Variants in VAV3 observed in about 807,000 individuals in gnomAD.
VAV3 encodes the protein guanine nucleotide exchange factor VAV3.
A neutral mutation model predicts 131.2 loss-of-function variants in VAV3; 94 were observed. That is an observed-to-expected ratio of 0.72 (90% confidence interval 0.61 to 0.85). VAV3 has a LOEUF of 0.85. Ranked by LOEUF, VAV3 falls within the 40% of genes least tolerant of loss-of-function variation. VAV3 has a pLI of 0.00. For synonymous variants in VAV3, 349 were observed against 342.0 expected (o/e 1.02, Z -0.22); for missense variants, 939 against 1,002.7 (o/e 0.94, Z 0.86).
chr1:107,782,039 C>A (rs1470260614), intron 2 of VAV3, among the ~76,000 whole-genome samples: 2 of 152,174 alleles, frequency 1.3e-5, no homozygotes, highest in African/African-American at 2.4e-5. Context: ...CATTGCTTTA[C>A]TTTAGCATGC....
At chr1:107,764,104 A>AACAAAAAAAAAAACATGATGT (rs1664596755) in intron 9 of VAV3, among the ~76,000 whole-genome samples, 1 of 151,946 alleles carries the variant, frequency 6.6e-6, no homozygotes, top group Non-Finnish European at 1.5e-5. Context: ...CAAAAAACAA[A>AACAAAAAAAAAAACATGATGT]ACAAAAAAAA....
chr1:107,656,733 A>G (rs552114966), intron 19 of VAV3, among the ~76,000 whole-genome samples: 49 of 152,218 alleles, frequency 3.2e-4, no homozygotes, highest in African/African-American at 1.2e-3. Context: ...TCTATTATAT[A>G]TCAATAAAAA....
chr1:107,891,566 C>T (rs757264508), intron 1 of VAV3, among the ~76,000 whole-genome samples: 3 of 151,934 alleles, frequency 2.0e-5, no homozygotes, highest in African/African-American at 7.3e-5. Context: ...GGGGTGGGCA[C>T]GGTAGCTCAT....
At chr1:107,921,210 G>A (rs1672884249) in intron 1 of VAV3, among the ~76,000 whole-genome samples, 1 of 152,280 alleles carries the variant, frequency 6.6e-6, no homozygotes. Context: ...CCGAAAGCCT[G>A]GCCTTAAGGA....
At chr1:107,929,287 C>CAAAAA (rs372843076) in intron 1 of VAV3, among the ~76,000 whole-genome samples, 13 of 92,500 alleles carry the variant, frequency 1.4e-4, no homozygotes, top group African/African-American at 5.0e-4. Context: ...CACTCTGTCT[C>CAAAAA]AAAAAAAAAA....
intron 1 of VAV3, among the ~76,000 whole-genome samples, chr1:107,952,311 C>A (rs1674579107): frequency 6.6e-6 from 1 of 151,484 alleles, no homozygotes; most frequent in Non-Finnish European, 1.5e-5. Flanking sequence ...GCCTATCAGA[C>A]AGTGCAGGAT....
At chr1:107,906,579 T>C (rs1401817833) in intron 1 of VAV3, among the ~76,000 whole-genome samples, 3 of 151,954 alleles carry the variant, frequency 2.0e-5, no homozygotes, top group Non-Finnish European at 4.4e-5. Flanking sequence ...GGCGGGAGAA[T>C]GGCGTGAACC....
At chr1:107,651,970 C>A (rs1656207456) in intron 19 of VAV3, among the ~76,000 whole-genome samples, 1 of 151,938 alleles carries the variant, frequency 6.6e-6, no homozygotes, top group African/African-American at 2.4e-5. Flanking sequence ...TCCTTAAATA[C>A]CTGGAGCAAG....
At chr1:107,943,312 G>C (rs1263167170) in intron 1 of VAV3, among the ~76,000 whole-genome samples, 1 of 152,088 alleles carries the variant, frequency 6.6e-6, no homozygotes, top group East Asian at 1.9e-4. Context: ...TCATATCACA[G>C]GTGGCCTATT....
intron 22 of VAV3, among the ~76,000 whole-genome samples, chr1:107,604,842 G>A (rs1004551768): frequency 9.2e-5 from 14 of 152,128 alleles, no homozygotes; most frequent in African/African-American, 3.4e-4. Context: ...CATCAGACCA[G>A]CATTCTACTC....
chr1:107,729,464 A>C (rs2101961424), intron 15 of VAV3, among the ~76,000 whole-genome samples: 1 of 152,160 alleles, frequency 6.6e-6, no homozygotes, highest in South Asian at 2.1e-4. Flanking sequence ...CCTGAGTTTA[A>C]AAAAAAACAT....
chr1:107,649,999 G>C (rs1021447335), intron 19 of VAV3, among the ~76,000 whole-genome samples: 4 of 152,012 alleles, frequency 2.6e-5, no homozygotes, highest in Non-Finnish European at 4.4e-5. Flanking sequence ...TGTGGAGTGG[G>C]GGATGCTTTA....
chr1:107,912,888 C>A (rs927474757), intron 1 of VAV3, among the ~76,000 whole-genome samples: 6 of 152,182 alleles, frequency 3.9e-5, no homozygotes, highest in African/African-American at 4.8e-5. Context: ...ACTTTTTCCA[C>A]AACCACACTT....
intron 10 of VAV3, among the ~76,000 whole-genome samples, chr1:107,760,422 T>C (rs946137447): frequency 1.3e-5 from 2 of 152,210 alleles, no homozygotes; most frequent in African/African-American, 2.4e-5. Context: ...AGGTCTAATA[T>C]GATTAATCTG....
chr1:107,645,534 T>A (rs756586362), intron 19 of VAV3, among the ~76,000 whole-genome samples: 2 of 152,086 alleles, frequency 1.3e-5, no homozygotes, highest in African/African-American at 4.8e-5. Context: ...ACAGGTGGGA[T>A]AAATGGTTGC....
At chr1:107,751,693 T>A (rs1422891809) in intron 12 of VAV3, among the ~76,000 whole-genome samples, 3 of 151,832 alleles carry the variant, frequency 2.0e-5, no homozygotes, top group Non-Finnish European at 4.4e-5. Context: ...GCGCGCTAAT[T>A]TGGTCTATAA....
chr1:107,773,251 C>T (rs1665152293), intron 4 of VAV3, among the ~76,000 whole-genome samples: 1 of 152,152 alleles, frequency 6.6e-6, no homozygotes, highest in African/African-American at 2.4e-5. Flanking sequence ...TATTTAAAAC[C>T]AAGTCTGTCT....
At chr1:107,878,571 G>T (rs1268141938) in intron 1 of VAV3, among the ~76,000 whole-genome samples, 3 of 152,040 alleles carry the variant, frequency 2.0e-5, no homozygotes, top group Admixed American at 1.3e-4. Context: ...TCTTTCACTT[G>T]TATTTCCTGT....
At chr1:107,681,504 C>A (rs1234365235) in intron 19 of VAV3, among the ~76,000 whole-genome samples, 1 of 152,044 alleles carries the variant, frequency 6.6e-6, no homozygotes, top group East Asian at 1.9e-4. Flanking sequence ...ATAAGTCAAG[C>A]CTAAATCAAA....
Sources: allele counts gnomAD v4.1 joint callset (sites outside exome capture counted in the v4.1 genomes callset), GRCh38; gene constraint gnomAD v4.1.1; transcripts MANE v1.5; gene names NCBI Gene and HGNC (gene_info 2026-07-23, HGNC 2026-07-21).